The following SPMIP7 variants were observed in gnomAD, a reference collection of about 807,000 sequenced individuals.
The protein encoded by SPMIP7 is sperm microtubule inner protein 7.
chr7:50,157,438 G>T, the SPMIP7 span, among the ~76,000 whole-genome samples: 2 of 152,082 alleles, frequency 1.3e-5, no homozygotes, highest in Non-Finnish European at 2.9e-5. Flanking sequence ...AGTGTTTCTT[G>T]CCCACACCCT....
At chr7:50,140,140 T>C in the SPMIP7 span, 4 of 1,499,734 alleles carry the variant, frequency 2.7e-6, no homozygotes, top group Non-Finnish European at 3.6e-6. Flanking sequence ...TTTTTTGAAG[T>C]GTGAGTTCAA....
chr7:50,145,900 C>T, the SPMIP7 span, among the ~76,000 whole-genome samples: 3 of 151,634 alleles, frequency 2.0e-5, no homozygotes, highest in Admixed American at 6.6e-5. Context: ...TATCTAAGGA[C>T]GTTACAAGGT....
the SPMIP7 span, among the ~76,000 whole-genome samples, chr7:50,155,032 G>T: frequency 5.5e-4 from 83 of 152,120 alleles, no homozygotes; most frequent in African/African-American, 1.9e-3. Context: ...TTTTAAATTG[G>T]GTTATATGTT....
At chr7:50,151,204 T>C in the SPMIP7 span, among the ~76,000 whole-genome samples, 1 of 152,270 alleles carries the variant, frequency 6.6e-6, no homozygotes, top group Non-Finnish European at 1.5e-5. Context: ...CAGAAAAACA[T>C]GAACTTGAAA....
chr7:50,149,143 TA>T, the SPMIP7 span, among the ~76,000 whole-genome samples: 41,118 of 148,964 alleles, frequency 0.28, 5,896 homozygotes, highest in Non-Finnish European at 0.34. Flanking sequence ...AGATTCCATC[TA>T]AAAAAAAAAA....
At chr7:50,100,846 T>TAAATAAATAA in the SPMIP7 span, among the ~76,000 whole-genome samples, 3 of 30,208 alleles carry the variant, frequency 9.9e-5, no homozygotes, top group Non-Finnish European at 2.6e-4. Context: ...TAAATAAATA[T>TAAATAAATAA]GAAAATAAAA....
chr7:50,136,813 G>A, the SPMIP7 span, among the ~76,000 whole-genome samples: 7 of 151,998 alleles, frequency 4.6e-5, no homozygotes, highest in African/African-American at 1.7e-4. Context: ...ATTTTTGCTC[G>A]TAACACAACC....
chr7:50,099,472 C>G, the SPMIP7 span, among the ~76,000 whole-genome samples: 7 of 152,278 alleles, frequency 4.6e-5, no homozygotes, highest in East Asian at 1.4e-3. Context: ...TTCCTTGACT[C>G]TCTGTGTAGG....
the SPMIP7 span, chr7:50,142,267 A>G: frequency 3.9e-5 from 6 of 152,230 alleles, no homozygotes; most frequent in Non-Finnish European, 4.4e-5. Context: ...GAAATGTTGT[A>G]TGAAATATTC....
chr7:50,127,166 CTTT>C, the SPMIP7 span, among the ~76,000 whole-genome samples: 4 of 152,094 alleles, frequency 2.6e-5, no homozygotes, highest in Non-Finnish European at 5.9e-5. Flanking sequence ...AAAGGACAGT[CTTT>C]TCCATAAATG....
the SPMIP7 span, chr7:50,141,526 A>G: frequency 1.6e-6 from 1 of 624,464 alleles, no homozygotes; most frequent in African/African-American, 1.8e-5. Flanking sequence ...GCTTCCTAAA[A>G]GAAATGTGGT....
chr7:50,116,470 GA>G, the SPMIP7 span, among the ~76,000 whole-genome samples: 1 of 152,190 alleles, frequency 6.6e-6, no homozygotes, highest in Non-Finnish European at 1.5e-5. Flanking sequence ...ATATCAGCAA[GA>G]AACAGAAAGT....
chr7:50,105,692 C>A, the SPMIP7 span, among the ~76,000 whole-genome samples: 1 of 152,116 alleles, frequency 6.6e-6, no homozygotes, highest in African/African-American at 2.4e-5. Context: ...GTGCATTTTT[C>A]TTTTATAAGA....
At chr7:50,158,956 G>T in the SPMIP7 span, 1 of 1,371,822 alleles carries the variant, frequency 7.3e-7, no homozygotes, top group Admixed American at 2.1e-5. Flanking sequence ...TCCCCTTCCC[G>T]CACAGGGGTA....
At chr7:50,098,679 C>CAGAG in the SPMIP7 span, among the ~76,000 whole-genome samples, 111 of 149,358 alleles carry the variant, frequency 7.4e-4, 2 homozygotes, top group East Asian at 0.02. Flanking sequence ...CTTGCATCCT[C>CAGAG]AGAGAGAGAG....
the SPMIP7 span, among the ~76,000 whole-genome samples, chr7:50,125,584 T>C: frequency 3.3e-5 from 3 of 91,698 alleles, no homozygotes; most frequent in Non-Finnish European, 6.8e-5. Flanking sequence ...AAAGAAAATA[T>C]GGTGTGTGTG....
the SPMIP7 span, among the ~76,000 whole-genome samples, chr7:50,134,809 C>T: frequency 2.0e-5 from 3 of 152,150 alleles, no homozygotes; most frequent in African/African-American, 7.2e-5. Flanking sequence ...CATATCTATG[C>T]CATAGCCAGA....
the SPMIP7 span, among the ~76,000 whole-genome samples, chr7:50,156,998 C>G: frequency 6.6e-6 from 1 of 152,202 alleles, no homozygotes; most frequent in Non-Finnish European, 1.5e-5. Flanking sequence ...GATTCTGACA[C>G]CAGCAGTCAA....
At chr7:50,158,044 C>T in the SPMIP7 span, among the ~76,000 whole-genome samples, 146 of 152,332 alleles carry the variant, frequency 9.6e-4, 1 homozygote, top group Admixed American at 7.0e-3. Context: ...CCAGTAAAAC[C>T]CTGTACACCC....
Sources: allele counts gnomAD v4.1 joint callset (sites outside exome capture counted in the v4.1 genomes callset), GRCh38; gene constraint gnomAD v4.1.1; transcripts MANE v1.5; gene names NCBI Gene and HGNC (gene_info 2026-07-23, HGNC 2026-07-21).